The following FBXL2 variants were observed in gnomAD, a reference collection of about 807,000 sequenced individuals.
The protein encoded by FBXL2 is F-box and leucine rich repeat protein 2, also known as F-box/LRR-repeat protein 2.
A neutral mutation model predicts 69.2 loss-of-function variants in FBXL2; 38 were observed. That is an observed-to-expected ratio of 0.55 (90% CI 0.42 to 0.72). The LOEUF (loss-of-function observed/expected upper bound fraction) is 0.72, where lower values mean the gene tolerates loss of function less well. Ranked by LOEUF, FBXL2 falls within the 30% of genes least tolerant of loss-of-function variation. The pLI is 0.00. For missense variants in FBXL2, 354 were observed against 520.3 expected (o/e 0.68, Z 3.11); for synonymous variants, 192 against 201.3 (o/e 0.95, Z 0.39).
At chr3:33,396,753 G>C in intron 12 of FBXL2, 1 of 584,276 alleles carries the variant, frequency 1.7e-6, no homozygotes, top group South Asian at 1.5e-5. Flanking sequence ...ACCTAAATTA[G>C]AAGTTTTGTT....
chr3:33,337,751 A>C (rs2039702436), intron 2 of FBXL2, among the ~76,000 whole-genome samples: 1 of 152,210 alleles, frequency 6.6e-6, no homozygotes, highest in African/African-American at 2.4e-5. Flanking sequence ...AGATCTGATA[A>C]ACAACTTCAG....
At chr3:33,293,058 G>T (rs114813180) in intron 1 of FBXL2, among the ~76,000 whole-genome samples, 3,115 of 152,286 alleles carry the variant, frequency 0.02, 59 homozygotes, top group Admixed American at 0.057. Flanking sequence ...GTCTGTCTAT[G>T]TTGACCAGGC....
intron 2 of FBXL2, among the ~76,000 whole-genome samples, chr3:33,354,053 C>G (rs2041017735): frequency 6.6e-6 from 1 of 152,064 alleles, no homozygotes; most frequent in Non-Finnish European, 1.5e-5. Context: ...ACAGAGTGAA[C>G]TTTGTTGTAA....
intron 12 of FBXL2, among the ~76,000 whole-genome samples, chr3:33,401,345 T>A (rs773029545): frequency 1.3e-5 from 2 of 152,060 alleles, no homozygotes; most frequent in Admixed American, 1.3e-4. Flanking sequence ...TTTTAAAAGT[T>A]AGGGGAAAAA....
chr3:33,304,364 CAA>C (rs1185653254), intron 2 of FBXL2, among the ~76,000 whole-genome samples: 7 of 151,968 alleles, frequency 4.6e-5, no homozygotes, highest in African/African-American at 1.7e-4. Context: ...TTTGACTAAA[CAA>C]TATGTTTACT....
At chr3:33,407,413 C>G (rs537206780), downstream of FBXL2, among the ~76,000 whole-genome samples, 316 of 152,120 alleles carry the variant, frequency 2.1e-3, 1 homozygote, top group Non-Finnish European at 3.7e-3. Flanking sequence ...AGAATCCCCC[C>G]CAAAGAAGTT....
chr3:33,399,645 G>A (rs1377532515), intron 12 of FBXL2, among the ~76,000 whole-genome samples: 1 of 152,194 alleles, frequency 6.6e-6, no homozygotes, highest in East Asian at 1.9e-4. Context: ...GACTAGGGAT[G>A]GTGGGGGAAG....
downstream of FBXL2, among the ~76,000 whole-genome samples, chr3:33,404,349 T>C (rs941057084): frequency 6.6e-5 from 10 of 150,938 alleles, no homozygotes; most frequent in African/African-American, 2.2e-4. Flanking sequence ...GAGGCGGGGG[T>C]TGCAGTGAGC....
chr3:33,388,666 C>T (rs1319573563), downstream of FBXL2: 1 of 152,092 alleles, frequency 6.6e-6, no homozygotes, highest in African/African-American at 2.4e-5. Flanking sequence ...TCCCCAGTGA[C>T]TGGTACAGAA....
At chr3:33,364,325 G>T in intron 4 of FBXL2, 1 of 364,196 alleles carries the variant, frequency 2.7e-6, no homozygotes, top group Non-Finnish European at 5.0e-6. Context: ...GGGTAGGGAG[G>T]GCCTAACCCC....
intron 2 of FBXL2, among the ~76,000 whole-genome samples, chr3:33,309,917 T>A (rs1390045346): frequency 6.6e-6 from 1 of 152,070 alleles, no homozygotes; most frequent in African/African-American, 2.4e-5. Context: ...TCCCAGCACT[T>A]TGGGAGACTA....
the FBXL2 span, among the ~76,000 whole-genome samples, chr3:33,419,417 C>G: frequency 1.3e-5 from 2 of 152,170 alleles, no homozygotes; most frequent in South Asian, 4.2e-4. Context: ...ATCACGAGGT[C>G]AGGAGTTTGA....
intron 1 of FBXL2, among the ~76,000 whole-genome samples, chr3:33,290,800 C>G (rs2035146377): frequency 6.6e-6 from 1 of 151,854 alleles, no homozygotes; most frequent in Non-Finnish European, 1.5e-5. Context: ...TCAGATTCAA[C>G]TTTCTGAAAA....
At chr3:33,280,282 G>C (rs1290833720) in intron 1 of FBXL2, among the ~76,000 whole-genome samples, 3 of 152,196 alleles carry the variant, frequency 2.0e-5, no homozygotes, top group Non-Finnish European at 4.4e-5. Context: ...TCCGCTTTTT[G>C]TGTGAATCAC....
intron 12 of FBXL2, among the ~76,000 whole-genome samples, chr3:33,395,949 G>A (rs1216826819): frequency 6.6e-6 from 1 of 151,742 alleles, no homozygotes; most frequent in East Asian, 1.9e-4. Context: ...GACCCATAGT[G>A]TGGCTGCAAT....
At chr3:33,390,578 C>G, downstream of FBXL2, 1 of 599,506 alleles carries the variant, frequency 1.7e-6, no homozygotes, top group South Asian at 2.0e-5. Context: ...TTCTGCGAAG[C>G]CTGGCCCACT....
chr3:33,361,637 C>T (rs926754347), intron 4 of FBXL2, among the ~76,000 whole-genome samples: 4 of 152,200 alleles, frequency 2.6e-5, no homozygotes, highest in Non-Finnish European at 5.9e-5. Flanking sequence ...ATAAACACAT[C>T]CCAGAAATAC....
At chr3:33,405,212 G>A (rs2044385269), downstream of FBXL2, among the ~76,000 whole-genome samples, 1 of 151,840 alleles carries the variant, frequency 6.6e-6, no homozygotes, top group African/African-American at 2.4e-5. Context: ...AGATTTTCAG[G>A]CATAAAACTA....
intron 2 of FBXL2, among the ~76,000 whole-genome samples, chr3:33,311,290 T>G (rs2037169447): frequency 6.6e-6 from 1 of 152,212 alleles, no homozygotes; most frequent in Non-Finnish European, 1.5e-5. Flanking sequence ...GCTGCTTGTG[T>G]GTGAATATTC....
Sources: allele counts gnomAD v4.1 joint callset (sites outside exome capture counted in the v4.1 genomes callset), GRCh38; gene constraint gnomAD v4.1.1; transcripts MANE v1.5; gene names NCBI Gene and HGNC (gene_info 2026-07-23, HGNC 2026-07-21).